CASP5: variants seen among roughly 807,000 people sequenced by gnomAD.
CASP5 encodes the protein caspase 5.
In CASP5, 42 loss-of-function variants were observed where a neutral mutation model predicts 45.2. That is an observed-to-expected ratio of 0.93 (90% CI 0.73 to 1.20). CASP5 has a LOEUF of 1.20. Ranked by LOEUF, CASP5 falls within the 50% of genes most tolerant of loss-of-function variation. CASP5 has a pLI of 0.00. For missense variants in CASP5, 512 were observed against 532.2 expected, an observed-to-expected ratio of 0.96 and a Z score of 0.37; for synonymous variants, 209 against 186.2, an observed-to-expected ratio of 1.12 and a Z score of -1.00.
Position 105,000,317 on chromosome 11 carries a change from T to C in CASP5, c.896A>G (p.Asn299Ser). The change falls in exon 6 of 10, where the codon AAC (asparagine) becomes AGC (serine). Residue 299 changes from asparagine (N) to serine (S), a missense_variant. By Grantham distance (46) the Asn-to-Ser change is conservative. Transcript: ENST00000260315. ...GGGTTTGTCCTTTAGACTGAGGCAG[T>C]TGCGGTTGTTGAATATCTGGAAGAT... ...DTIFQIFNNR[N>S]CLSLKDKPKV... The C allele has an allele frequency of 6.2e-7, 1 of 1,614,220 alleles. No individual in the cohort carries two copies. The highest frequency in any genetic ancestry group is 8.5e-7 in the Non-Finnish European group (1 of 1,180,038).
Position 104,997,495 on chromosome 11 carries a change from A to G in CASP5, c.1097-3T>C, listed in dbSNP as rs780271252. The G allele has an allele frequency of 6.9e-6, 11 of 1,586,106 alleles. No homozygotes were observed. Among genetic ancestry groups the G allele is most frequent in the Non-Finnish European group, 9.5e-6 (11 of 1,155,636 alleles). Reference sequence around the variant, plus strand: ...GCGGTCTCTCCAGGACACGTTATCTATGATGATACAGCCTGGTATGCCTTG... The same window carrying G: ...GCGGTCTCTCCAGGACACGTTATCTGTGATGATACAGCCTGGTATGCCTTG... On this transcript the variant is annotated splice_polypyrimidine_tract_variant and splice_region_variant and intron_variant, in intron 7 of 9. Coordinates refer to ENST00000260315, the MANE Select transcript of CASP5 (RefSeq NM_004347.5).
At chr11:104,998,790 C>G in intron 7 of CASP5, 95 bp downstream of exon 7, 1 of 1,214,554 alleles carries the variant, frequency 8.2e-7, no homozygotes, top group Admixed American at 2.1e-5. Flanking sequence ...ATTCTCTCAG[C>G]TCATTGTTGC....
Position 105,008,954 on chromosome 11 carries a change from T to TA in CASP5, c.33dup (p.Lys12Ter), listed in dbSNP as rs1223432629. The TA allele has an allele frequency of 3.1e-6, 5 of 1,610,936 alleles. No homozygotes were observed. The South Asian group carries it at 3.3e-5, about 11-fold the overall frequency. On this transcript the variant is annotated frameshift_variant, in exon 2 of 10. Coordinates refer to ENST00000260315, the MANE Select transcript of CASP5 (RefSeq NM_004347.5). LOFTEE classifies it high-confidence loss of function. ...CCTTTGAACATAGCTTCAAAATTCT[T>TA]ACGCCTTTTTTTTTTGCCACTGTCT...
In CASP5 at chr11:105,000,261, C is replaced by A. The variant is rs746707551; in HGVS notation, c.952G>T (p.Glu318Ter). The A allele has an allele frequency of 2.5e-6, 4 of 1,614,066 alleles. No individual in the cohort carries two copies. The highest frequency in any genetic ancestry group is 3.4e-6 in the Non-Finnish European group (4 of 1,180,006). The change falls in exon 6 of 10, where the codon GAA becomes TAA. Residue 318 changes from glutamate (E) to a stop codon, truncating the protein, a stop_gained and splice_region_variant. Transcript: ENST00000260315. LOFTEE classifies it high-confidence loss of function. ...KVIIVQACRG[E>*]KHGELWVRDS... is the part of the protein sequence containing the mutation. ...TTAGATGTTCAGCCTCAGCACTCAC[C>A]ACCTCTGCAGGCCTGGACAATGATG... is the stretch of plus-strand genomic sequence containing the variant.
At chr11:105,002,324 G>T (rs567710422) in intron 4 of CASP5, 123 bp from the exon 5 acceptor site, 2 of 707,572 alleles carry the variant, frequency 2.8e-6, no homozygotes, top group African/African-American at 1.8e-5. Context: ...TCTATCAGAA[G>T]ACACTGCCTT....
At chr11:105,000,213 C>T (rs759787592) in intron 6 of CASP5, 48 bp downstream of exon 6, 9 of 1,587,078 alleles carry the variant, frequency 5.7e-6, no homozygotes, top group Non-Finnish European at 7.8e-6. Flanking sequence ...CATCACAATC[C>T]TCTGCATACA....
At position 105,003,425 on chromosome 11, in the gene CASP5, G is replaced by C. The variant is rs766753660; in HGVS notation, c.434-42C>G. On this transcript the variant is annotated intron_variant, in intron 3 of 9. Coordinates refer to ENST00000260315, the MANE Select transcript of CASP5 (RefSeq NM_004347.5). ...AATATAAATTATGGTTTCTGCCTCT[G>C]TGACCCAATTTATCACCTAAGAACT... 8 of 1,093,788 alleles carry C rather than the reference G, an allele frequency of 7.3e-6. No homozygotes were observed. The East Asian group carries it at 2.0e-4, about 27-fold the overall frequency. 67.8% of individuals were successfully genotyped at this position (1,093,788 alleles called of 1,614,324 possible).
chr11:105,009,795 A>ACG (rs1565388290), intron 1 of CASP5, among the ~76,000 whole-genome samples: 7,762 of 99,106 alleles, frequency 0.078, 576 homozygotes, highest in Admixed American at 0.16. Context: ...ATACACACGT[A>ACG]TATATATATA....
At chr11:105,021,124 G>C (rs1037800697) in intron 1 of CASP5, among the ~76,000 whole-genome samples, 1 of 151,820 alleles carries the variant, frequency 6.6e-6, no homozygotes, top group Non-Finnish European at 1.5e-5. Context: ...AGCTGAAACT[G>C]GATCCCTTCC....
At chr11:105,022,548 G>A (rs1373269320) in intron 1 of CASP5, among the ~76,000 whole-genome samples, 1 of 152,106 alleles carries the variant, frequency 6.6e-6, no homozygotes, top group Non-Finnish European at 1.5e-5. Context: ...GTGCAGTATG[G>A]ACTGAAGGGT....
intron 7 of CASP5, among the ~76,000 whole-genome samples, chr11:104,998,165 T>A (rs962888028): frequency 1.3e-5 from 2 of 152,170 alleles, no homozygotes; most frequent in Admixed American, 1.3e-4. Context: ...CAGCATAGAT[T>A]TGGGTGATGA....
chr11:105,007,523 G>A (rs1303413064), intron 2 of CASP5, among the ~76,000 whole-genome samples, 189 bp from the exon 3 acceptor site: 3 of 152,040 alleles, frequency 2.0e-5, no homozygotes, highest in African/African-American at 7.2e-5. Flanking sequence ...ATACCAGACT[G>A]TGCTTAGCAA....
intron 5 of CASP5, among the ~76,000 whole-genome samples, 182 bp downstream of exon 5, chr11:105,001,846 G>A (rs948039729): frequency 2.6e-5 from 4 of 152,128 alleles, no homozygotes; most frequent in African/African-American, 9.7e-5. Context: ...GCTCAAAAGA[G>A]ACACTGATTT....
intron 1 of CASP5, among the ~76,000 whole-genome samples, chr11:105,009,760 CACACACACACGTATATATATATATAT>C (rs1565388014): frequency 1.7e-4 from 8 of 48,260 alleles, no homozygotes; most frequent in African/African-American, 5.9e-4. Context: ...TATATATATA[CACACACACACGTATATATATATATAT>C]ACACACGTAT....
At chr11:104,997,934 A>T (rs545744) in intron 7 of CASP5, among the ~76,000 whole-genome samples, 101,707 of 152,012 alleles carry the variant, frequency 0.67, 34,907 homozygotes, top group Middle Eastern at 0.87. Context: ...TTTCACCATA[A>T]AATAAACAAA....
chr11:105,005,233 A>G (rs1006487315), intron 3 of CASP5, among the ~76,000 whole-genome samples: 2 of 152,100 alleles, frequency 1.3e-5, no homozygotes, highest in Admixed American at 1.3e-4. Context: ...TAACATTGAC[A>G]CAACAAGAAA....
chr11:105,009,838 T>C (rs187033528), intron 1 of CASP5, among the ~76,000 whole-genome samples: 38 of 107,938 alleles, frequency 3.5e-4, no homozygotes, highest in African/African-American at 9.8e-4. Flanking sequence ...CATATATATA[T>C]ACACATATAT....
intron 2 of CASP5, among the ~76,000 whole-genome samples, chr11:105,007,660 T>A (rs3181323): frequency 0.056 from 8,491 of 152,148 alleles, 718 homozygotes; most frequent in African/African-American, 0.19. Flanking sequence ...CTCATGATGA[T>A]GATAATTTAC....
chr11:105,016,926 G>A (rs1421302111), intron 1 of CASP5, among the ~76,000 whole-genome samples: 1 of 151,652 alleles, frequency 6.6e-6, no homozygotes, highest in Non-Finnish European at 1.5e-5. Context: ...TTTGAAGAGA[G>A]CAGTGGTTCT....
Sources: allele counts gnomAD v4.1 joint callset (sites outside exome capture counted in the v4.1 genomes callset), GRCh38; gene constraint gnomAD v4.1.1; transcripts MANE v1.5; gene names NCBI Gene and HGNC (gene_info 2026-07-23, HGNC 2026-07-21).